The following HMCN1 variants were observed in gnomAD, a reference collection of about 807,000 sequenced individuals.
The protein encoded by HMCN1 is hemicentin-1.
Under a neutral mutation model 625.9 loss-of-function variants are expected in HMCN1, and 321 were observed. That is an observed-to-expected ratio of 0.51 (90% CI 0.47 to 0.56). The LOEUF is 0.56. HMCN1 is among the 20% of genes least tolerant of loss of function. The pLI is 0.00. For synonymous variants in HMCN1, 2,425 were observed against 2,417.6 expected (o/e 1.00, Z -0.09); for missense variants, 6,588 against 6,887.3 (o/e 0.96, Z 1.54).
At chr1:185,784,062 C>A (rs1427437257) in intron 1 of HMCN1, among the ~76,000 whole-genome samples, 1 of 152,224 alleles carries the variant, frequency 6.6e-6, no homozygotes, top group African/African-American at 2.4e-5. Flanking sequence ...GCGGTCGCCC[C>A]TCCCCCCGCC....
intron 40 of HMCN1, among the ~76,000 whole-genome samples, chr1:186,042,243 C>T (rs758628808): frequency 2.0e-5 from 3 of 152,128 alleles, no homozygotes; most frequent in Non-Finnish European, 4.4e-5. Flanking sequence ...CTATAATGCC[C>T]AACCCCAGGA....
intron 1 of HMCN1, among the ~76,000 whole-genome samples, chr1:185,830,884 A>G (rs888154173): frequency 5.3e-5 from 8 of 151,952 alleles, no homozygotes; most frequent in Non-Finnish European, 7.4e-5. Flanking sequence ...CAAGACTCCA[A>G]TTCAAAAGAA....
chr1:185,942,279 A>G (rs541981225), intron 11 of HMCN1, among the ~76,000 whole-genome samples: 2 of 152,314 alleles, frequency 1.3e-5, no homozygotes, highest in South Asian at 4.1e-4. Context: ...ATTATAAAAA[A>G]GTGATACACT....
chr1:185,772,723 C>T (rs1334887018), intron 1 of HMCN1, among the ~76,000 whole-genome samples: 2 of 151,984 alleles, frequency 1.3e-5, no homozygotes, highest in Non-Finnish European at 2.9e-5. Flanking sequence ...GCTGCTATAA[C>T]AGAATGCCAC....
intron 29 of HMCN1, among the ~76,000 whole-genome samples, chr1:186,006,041 C>T (rs1653609421): frequency 6.7e-6 from 1 of 149,682 alleles, no homozygotes; most frequent in Non-Finnish European, 1.5e-5. Flanking sequence ...GAGGCCGAGG[C>T]AGGAGAATCG....
At chr1:185,775,838 G>C (rs919451348) in intron 1 of HMCN1, among the ~76,000 whole-genome samples, 1 of 152,178 alleles carries the variant, frequency 6.6e-6, no homozygotes, top group Non-Finnish European at 1.5e-5. Flanking sequence ...GGAGTTATTG[G>C]GAACATGTGT....
intron 1 of HMCN1, among the ~76,000 whole-genome samples, chr1:185,782,689 C>T (rs1657224281): frequency 6.6e-6 from 1 of 152,220 alleles, no homozygotes; most frequent in South Asian, 2.1e-4. Flanking sequence ...TCTCTTCTGG[C>T]TTGTAGAGTT....
intron 30 of HMCN1, 140 bp downstream of exon 30, chr1:186,007,422 C>T: frequency 2.7e-6 from 2 of 751,254 alleles, no homozygotes; most frequent in South Asian, 3.4e-5. Flanking sequence ...AGCTTATCTT[C>T]ATGTGTTTTA....
intron 15 of HMCN1, among the ~76,000 whole-genome samples, chr1:185,973,671 A>G (rs1335718176): frequency 6.6e-6 from 1 of 151,944 alleles, no homozygotes; most frequent in African/African-American, 2.4e-5. Context: ...CCTATTACTT[A>G]TTATCATGGT....
At position 186,102,734 on chromosome 1, in the gene HMCN1, A is replaced by T. The variant is rs565473937; in HGVS notation, c.10574-738A>T. On this transcript the variant is annotated intron_variant, in intron 68 of 106. Transcript: ENST00000271588. ...AGCTATTTTGGCTGCCTTGTCAAAT[A>T]GTAAGCTGGAAACTTGAACTATGAA... 9.3e-4 allele frequency among the ~76,000 whole-genome samples: 141 copies of T among 152,286 alleles called. 1 individual carries two copies. Among genetic ancestry groups the T allele is most frequent in the African/African-American group, 3.3e-3 (139 of 41,576 alleles).
In HMCN1 at chr1:186,190,552, C is replaced by T. The variant is rs1056456; in HGVS notation, c.*674C>T. Reference sequence around the variant, plus strand: ...CTTATGATAATAATAATAAAAAAGACTGCTTTGCCCTCACGTCAGTTGTAC... The same window carrying T: ...CTTATGATAATAATAATAAAAAAGATTGCTTTGCCCTCACGTCAGTTGTAC... On this transcript the variant is annotated 3_prime_UTR_variant, in exon 107 of 107. Coordinates refer to ENST00000271588, the MANE Select transcript of HMCN1 (RefSeq NM_031935.3). The T allele has an allele frequency of 0.22, 44,715 of 201,258 alleles. 5,666 individuals carry two copies. Among genetic ancestry groups the T allele is most frequent in the African/African-American group, 0.33 (14,477 of 43,576 alleles). 12.5% of individuals were successfully genotyped at this position (201,258 alleles called of 1,614,324 possible).
intron 40 of HMCN1, among the ~76,000 whole-genome samples, chr1:186,045,084 A>G (rs964250335): frequency 2.6e-5 from 4 of 152,176 alleles, no homozygotes; most frequent in Non-Finnish European, 5.9e-5. Flanking sequence ...TTTGTTCTTT[A>G]GAAAGTTGAC....
intron 64 of HMCN1, among the ~76,000 whole-genome samples, chr1:186,091,423 C>G (rs533211467): frequency 6.6e-6 from 1 of 151,978 alleles, no homozygotes; most frequent in Non-Finnish European, 1.5e-5. Flanking sequence ...GTGGTTTGTT[C>G]AGATGCCATT....
intron 80 of HMCN1, among the ~76,000 whole-genome samples, chr1:186,121,976 AGG>A: frequency 6.6e-6 from 1 of 152,232 alleles, no homozygotes; most frequent in Non-Finnish European, 1.5e-5. Flanking sequence ...TGAGTCAAGT[AGG>A]ATAAGGACCC....
At chr1:186,137,009 A>G (rs1484046732) in intron 87 of HMCN1, 72 bp downstream of exon 87, 10 of 1,547,582 alleles carry the variant, frequency 6.5e-6, no homozygotes, top group Non-Finnish European at 7.1e-6. Context: ...ATTATTAAGC[A>G]CTTTAGTCCA....
intron 1 of HMCN1, among the ~76,000 whole-genome samples, chr1:185,783,375 T>G (rs1206408353): frequency 6.6e-6 from 1 of 152,234 alleles, no homozygotes; most frequent in Non-Finnish European, 1.5e-5. Context: ...CCAGCTTTGT[T>G]TTGTTGCTGG....
intron 46 of HMCN1, 37 bp downstream of exon 46, chr1:186,057,438 C>T (rs756184081): frequency 7.4e-7 from 1 of 1,348,016 alleles, no homozygotes; most frequent in African/African-American, 1.4e-5. Context: ...ATCTTGTTAG[C>T]TTCATACGGC....
chr1:185,741,939 CTA>C (rs773304342), intron 1 of HMCN1, among the ~76,000 whole-genome samples: 31 of 152,292 alleles, frequency 2.0e-4, no homozygotes, highest in Non-Finnish European at 3.5e-4. Context: ...TTTTGACAAA[CTA>C]TTCAACTAGT....
Position 186,190,154 on chromosome 1 carries a change from T to A in HMCN1, c.*276T>A. On this transcript the variant is annotated 3_prime_UTR_variant, in exon 107 of 107. Transcript: ENST00000271588. ...ATTATTCTGAACATCTAACAGGACA[T>A]ATCAGTGATGGTTTACAGTAGTGTA... The A allele has an allele frequency of 2.0e-6, 1 of 491,334 alleles. No individual in the cohort carries two copies. Among genetic ancestry groups the A allele is most frequent in the Non-Finnish European group, 3.7e-6 (1 of 269,440 alleles). 30.4% of individuals were successfully genotyped at this position (491,334 alleles called of 1,614,324 possible). A position where few individuals can be genotyped will look rare whatever the true frequency, so the allele number is the denominator to read the frequency against.
Sources: allele counts gnomAD v4.1 joint callset (sites outside exome capture counted in the v4.1 genomes callset), GRCh38; gene constraint gnomAD v4.1.1; transcripts MANE v1.5; gene names NCBI Gene and HGNC (gene_info 2026-07-23, HGNC 2026-07-21).